The following GLDN variants were observed in gnomAD, a reference collection of about 807,000 sequenced individuals.
GLDN encodes collomin.
Under a neutral mutation model 56.5 loss-of-function variants are expected in GLDN, and 47 were observed. The ratio of observed to expected loss-of-function variants is 0.83; its 90% confidence interval spans 0.66 to 1.06. The LOEUF is 1.06. GLDN is among the 50% of genes least tolerant of loss of function. The pLI is 0.00. For synonymous variants in GLDN, 332 were observed against 278.8 expected (o/e 1.19, Z -1.90); for missense variants, 782 against 714.3 (o/e 1.09, Z -1.08).
At chr15:51,365,874 G>T (rs16964295) in intron 1 of GLDN, among the ~76,000 whole-genome samples, 3 of 151,988 alleles carry the variant, frequency 2.0e-5, no homozygotes, top group African/African-American at 7.3e-5. Flanking sequence ...TCATAAATAC[G>T]TACAATTTCA....
intron 4 of GLDN, among the ~76,000 whole-genome samples, chr15:51,393,083 A>C (rs896648259): frequency 2.0e-5 from 3 of 152,208 alleles, no homozygotes; most frequent in Admixed American, 2.0e-4. Flanking sequence ...CCTTTTCCAG[A>C]CTGAGGAAGT....
intron 5 of GLDN, among the ~76,000 whole-genome samples, chr15:51,396,190 C>T (rs1429145581): frequency 1.3e-5 from 2 of 152,226 alleles, no homozygotes; most frequent in East Asian, 1.9e-4. Flanking sequence ...TAATTGCCTG[C>T]ACGGCCCCTG....
intron 9 of GLDN, 55 bp downstream of exon 9, chr15:51,401,798 T>C: frequency 5.2e-6 from 8 of 1,545,260 alleles, no homozygotes; most frequent in Non-Finnish European, 7.1e-6. Context: ...TGTGCTGTGG[T>C]GCTTTTGTGA....
At chr15:51,377,581 G>T (rs1398562373) in intron 2 of GLDN, 81 bp downstream of exon 2, 6 of 994,404 alleles carry the variant, frequency 6.0e-6, no homozygotes, top group Middle Eastern at 2.5e-4. Flanking sequence ...AACGCCTAGG[G>T]ACACTTTGTT....
At chr15:51,393,338 C>T (rs530309822) in intron 4 of GLDN, among the ~76,000 whole-genome samples, 51 of 152,144 alleles carry the variant, frequency 3.4e-4, no homozygotes, top group Non-Finnish European at 6.0e-4. Context: ...ATGGGTCCAC[C>T]GCAGCCTTTA....
chr15:51,401,708 C>A lies in GLDN; in HGVS notation c.1143C>A (p.Leu381=), dbSNP rs747072634. 2 of 1,614,206 alleles carry A rather than the reference C, an allele frequency of 1.2e-6. No homozygotes were observed. Among genetic ancestry groups the A allele is most frequent in the Admixed American group, 3.3e-5 (2 of 60,026 alleles). Residue 381 remains leucine, a synonymous_variant, in exon 9 of 10, where the codon CTC becomes CTA. Coordinates refer to ENST00000335449, the MANE Select transcript of GLDN (RefSeq NM_181789.4). ...GGCACGTTGTTTACAACAACTCTCT[C>A]TACTACCACAAAGGGGGTTCTAATA... ...GCGHVVYNNS[L]YYHKGGSNTL...
At chr15:51,396,661 G>A (rs747139519) in intron 5 of GLDN, among the ~76,000 whole-genome samples, 5 of 152,164 alleles carry the variant, frequency 3.3e-5, no homozygotes, top group African/African-American at 1.2e-4. Context: ...CTGGAAATGA[G>A]GAAGACTTAT....
At chr15:51,401,288 G>T (rs768429814) in intron 8 of GLDN, among the ~76,000 whole-genome samples, 10 of 152,226 alleles carry the variant, frequency 6.6e-5, no homozygotes, top group Non-Finnish European at 1.0e-4. Context: ...TCCTGTTGAA[G>T]GCCTATGCCA....
In GLDN at chr15:51,341,780, G is replaced by T; in HGVS notation, c.96G>T (p.Ala32=). 6.7e-7 allele frequency: 1 copy of T among 1,499,270 alleles called. No homozygotes were observed. Among genetic ancestry groups the T allele is most frequent in the Non-Finnish European group, 8.8e-7 (1 of 1,133,776 alleles). The allele number at this position is 1,499,270 out of a possible 1,614,324, so 92.9% of individuals were successfully genotyped here. A position where few individuals can be genotyped will look rare whatever the true frequency, so the allele number is the denominator to read the frequency against. Residue 32 remains alanine, a synonymous_variant, in exon 1 of 10, where the codon GCG becomes GCT. Transcript: ENST00000335449. The part of the protein sequence containing the change: ...AVALLSALNA[A]GTVFALCQWR... ...CGCTGCTCTCGGCGCTCAACGCTGCGGGCACGGTGTTCGCGCTGTGCCAGT... is the reference window on the plus strand; with the variant it reads ...CGCTGCTCTCGGCGCTCAACGCTGCTGGCACGGTGTTCGCGCTGTGCCAGT...
rs67726755 is a variant in GLDN, at chr15:51,342,125, TCTTCTCCCCTGGCCAGG to T, written c.363+81_363+97del. 0.13 allele frequency: 202,390 copies of T among 1,545,904 alleles called. 14,767 individuals are homozygous for T. The highest frequency in any genetic ancestry group is 0.24 in the South Asian group (21,040 of 87,388). ...GTGTGGGGCGAGGACGCCGACGCCC[TCTTCTCCCCTGGCCAGG>T]CTGCGAGGTGCTGCGGAGAGGGCTG... On this transcript the variant is annotated intron_variant, in intron 1 of 9. Transcript: ENST00000335449.
intron 1 of GLDN, among the ~76,000 whole-genome samples, chr15:51,353,884 A>G (rs1208509042): frequency 6.6e-6 from 1 of 152,178 alleles, no homozygotes; most frequent in East Asian, 1.9e-4. Context: ...TTTTATCTAC[A>G]GACTAAAGGT....
intron 4 of GLDN, among the ~76,000 whole-genome samples, chr15:51,388,749 C>T (rs935444653): frequency 1.3e-5 from 2 of 152,228 alleles, no homozygotes; most frequent in African/African-American, 4.8e-5. Flanking sequence ...AATTTGCGTG[C>T]TCAAGGGGCT....
chr15:51,397,225 A>C (rs2459397), intron 5 of GLDN, among the ~76,000 whole-genome samples: 49,594 of 151,976 alleles, frequency 0.33, 8,561 homozygotes, highest in Admixed American at 0.39. Flanking sequence ...TGTAGAGAGA[A>C]TGAAAAGGTC....
At chr15:51,374,223 T>C (rs981703949) in intron 1 of GLDN, among the ~76,000 whole-genome samples, 1 of 152,242 alleles carries the variant, frequency 6.6e-6, no homozygotes, top group African/African-American at 2.4e-5. Flanking sequence ...TAATTTTCCC[T>C]ATTGTTGCTT....
chr15:51,383,750 TTG>T, intron 3 of GLDN, 33 bp from the exon 4 acceptor site: 5 of 1,427,844 alleles, frequency 3.5e-6, no homozygotes, highest in South Asian at 1.3e-5. Flanking sequence ...TTTTTTTTTT[TTG>T]GTTAATGTCC....
chr15:51,404,827 GT>G lies in GLDN; in HGVS notation c.*80del, dbSNP rs2038341151. 3 of 773,684 alleles carry G rather than the reference GT, an allele frequency of 3.9e-6. No individual in the cohort carries two copies. Among genetic ancestry groups the G allele is most frequent in the South Asian group, 1.7e-5 (1 of 59,658 alleles). 47.9% of individuals were successfully genotyped at this position (773,684 alleles called of 1,614,324 possible). ...CCAGTTCTCCCCCAACAGGAAACTTGTTTTTTTAACGTCAGCCAGATATTTA... is the reference window on the plus strand; with the variant it reads ...CCAGTTCTCCCCCAACAGGAAACTTGTTTTTTAACGTCAGCCAGATATTTA... On this transcript the variant is annotated 3_prime_UTR_variant, in exon 10 of 10. Coordinates refer to ENST00000335449, the MANE Select transcript of GLDN (RefSeq NM_181789.4).
chr15:51,383,947 A>G (rs1391782203), intron 4 of GLDN, 55 bp downstream of exon 4: 1 of 1,305,294 alleles, frequency 7.7e-7, no homozygotes, highest in South Asian at 1.3e-5. Context: ...CCATGATTGC[A>G]TTTGGGTCGA....
chr15:51,392,153 T>C (rs1439141378), intron 4 of GLDN, among the ~76,000 whole-genome samples: 1 of 152,154 alleles, frequency 6.6e-6, no homozygotes, highest in Non-Finnish European at 1.5e-5. Flanking sequence ...CTGGGGTAAA[T>C]GAAAGGTGCT....
rs1397866000 is a variant in GLDN, at chr15:51,404,500, C to T, written c.1402C>T (p.Pro468Ser). The change falls in exon 10 of 10, where the codon CCT becomes TCT. Residue 468 changes from proline to serine, a missense_variant. Pro to Ser is a moderately conservative substitution (Grantham distance 74, BLOSUM62 -1). Coordinates refer to ENST00000335449, the MANE Select transcript of GLDN (RefSeq NM_181789.4). The stretch of plus-strand genomic sequence containing the variant: ...GGTGCAACACGTCAATACCACGTAC[C>T]CTAAATCCAAGGCTGGCAACGCCTT... Reference protein sequence around the residue: ...SVVQHVNTTYPKSKAGNAFIA... With the variant: ...SVVQHVNTTYSKSKAGNAFIA... The T allele has an allele frequency of 1.2e-6, 2 of 1,613,978 alleles. No individual in the cohort carries two copies. Among genetic ancestry groups the T allele is most frequent in the South Asian group, 1.1e-5 (1 of 91,064 alleles).
Sources: allele counts gnomAD v4.1 joint callset (sites outside exome capture counted in the v4.1 genomes callset), GRCh38; gene constraint gnomAD v4.1.1; transcripts MANE v1.5; gene names NCBI Gene and HGNC (gene_info 2026-07-23, HGNC 2026-07-21).